The following ADAM12 variants were observed in gnomAD, a reference collection of about 807,000 sequenced individuals.
The protein encoded by ADAM12 is ADAM metallopeptidase domain 12.
A neutral mutation model predicts 106.4 loss-of-function variants in ADAM12; 70 were observed. The ratio of observed to expected loss-of-function variants is 0.66; its 90% CI spans 0.54 to 0.80. The LOEUF (loss-of-function observed/expected upper bound fraction) is 0.80, where lower values mean the gene tolerates loss of function less well. Ranked by LOEUF, ADAM12 falls within the 30% of genes least tolerant of loss-of-function variation. The pLI is 0.00. For synonymous variants in ADAM12, 420 were observed against 433.5 expected, an observed-to-expected ratio of 0.97 and a Z score of 0.39; for missense variants, 1,010 against 1,171.9, an observed-to-expected ratio of 0.86 and a Z score of 2.02.
At chr10:126,235,171 C>A (rs1274214370) in intron 3 of ADAM12, among the ~76,000 whole-genome samples, 1 of 152,220 alleles carries the variant, frequency 6.6e-6, no homozygotes, top group Non-Finnish European at 1.5e-5. Flanking sequence ...GAAGCCCAGG[C>A]ACCTGCTGCT....
intron 1 of ADAM12, among the ~76,000 whole-genome samples, chr10:126,387,651 TG>T (rs1856714054): frequency 6.6e-6 from 1 of 151,792 alleles, no homozygotes; most frequent in African/African-American, 2.4e-5. Context: ...GGAAACCTGG[TG>T]AAGGGCTGGC....
At chr10:126,289,045 T>A (rs189991992) in intron 2 of ADAM12, among the ~76,000 whole-genome samples, 273 of 133,530 alleles carry the variant, frequency 2.0e-3, no homozygotes, top group African/African-American at 7.1e-3. Context: ...GGTGACATGA[T>A]GGCCAGAGAA....
chr10:126,171,139 CAA>C (rs760504594), intron 3 of ADAM12, among the ~76,000 whole-genome samples: 2 of 152,164 alleles, frequency 1.3e-5, no homozygotes, highest in South Asian at 2.1e-4. Context: ...TCCTAGGTTA[CAA>C]AAGAGTTTGG....
intron 1 of ADAM12, among the ~76,000 whole-genome samples, chr10:126,378,134 T>A (rs892484886): frequency 3.3e-5 from 5 of 152,074 alleles, no homozygotes; most frequent in African/African-American, 1.2e-4. Flanking sequence ...TTGGCAACAT[T>A]TAAAAAGCCT....
In ADAM12 at chr10:126,169,269, C is replaced by T. The variant is rs557721780; in HGVS notation, c.261-13964G>A. The stretch of plus-strand genomic sequence containing the variant: ...AAATGACAGTATCTGCAGCAATCTT[C>T]CCTGCCTGCCCCTTCCTAAATGCGG... On this transcript the variant is annotated intron_variant, in intron 3 of 22. Coordinates refer to ENST00000448723, the MANE Select transcript of ADAM12 (RefSeq NM_001288973.2). 4.6e-5 allele frequency among the ~76,000 whole-genome samples: 7 copies of T among 152,328 alleles called. No homozygotes were observed. In the South Asian group the frequency reaches 1.5e-3, roughly 32 times the overall value.
At chr10:126,307,113 TTC>T (rs1357133900) in intron 2 of ADAM12, among the ~76,000 whole-genome samples, 4 of 152,192 alleles carry the variant, frequency 2.6e-5, no homozygotes, top group African/African-American at 9.7e-5. Context: ...TCCCAACAAC[TTC>T]TGTTTCCATT....
chr10:126,303,667 A>G (rs1284448788), intron 2 of ADAM12, among the ~76,000 whole-genome samples: 1 of 152,212 alleles, frequency 6.6e-6, no homozygotes, highest in Non-Finnish European at 1.5e-5. Context: ...GAAATAAGCA[A>G]TATGTTTGAA....
At chr10:126,097,451 C>T (rs971682799) in intron 10 of ADAM12, among the ~76,000 whole-genome samples, 4 of 152,108 alleles carry the variant, frequency 2.6e-5, no homozygotes, top group African/African-American at 4.8e-5. Context: ...ATGTTGGTTC[C>T]GTATATTCAT....
intron 3 of ADAM12, among the ~76,000 whole-genome samples, chr10:126,264,129 T>C (rs1235618558): frequency 2.0e-5 from 3 of 152,246 alleles, no homozygotes; most frequent in African/African-American, 7.2e-5. Flanking sequence ...GTGAAAATAT[T>C]AATGAATAAT....
chr10:126,223,397 T>C (rs1236345977), intron 3 of ADAM12, among the ~76,000 whole-genome samples: 1 of 152,226 alleles, frequency 6.6e-6, no homozygotes. Flanking sequence ...ATGGGAGCCA[T>C]TTCTCCAAGG....
At chr10:126,237,363 GA>G (rs200877966) in intron 3 of ADAM12, among the ~76,000 whole-genome samples, 349 of 152,022 alleles carry the variant, frequency 2.3e-3, no homozygotes, top group African/African-American at 7.9e-3. Flanking sequence ...ATTATTCTCA[GA>G]AAAATAGAGG....
intron 14 of ADAM12, among the ~76,000 whole-genome samples, chr10:126,055,943 G>A (rs899865872): frequency 1.3e-5 from 2 of 152,138 alleles, no homozygotes; most frequent in Non-Finnish European, 2.9e-5. Context: ...GCAGATATTT[G>A]TATGCTTTTT....
rs1206758790 is a variant in ADAM12, at chr10:126,376,550, T to G, written c.88+11508A>C. Among the ~76,000 whole-genome samples the G allele has an allele frequency of 1.3e-5, 2 of 152,246 alleles. 1 individual carries two copies. Among genetic ancestry groups the G allele is most frequent in the Non-Finnish European group, 2.9e-5 (2 of 68,040 alleles). On this transcript the variant is annotated intron_variant, in intron 1 of 22. Coordinates refer to ENST00000448723, the MANE Select transcript of ADAM12 (RefSeq NM_001288973.2). ...CAATAAATCTATTAGGTACTTAGGA[T>G]ATCTAGAAATATATCTTACAAAGAT...
chr10:126,251,682 AG>A (rs1958763753), intron 3 of ADAM12, among the ~76,000 whole-genome samples: 1 of 147,898 alleles, frequency 6.8e-6, no homozygotes. Context: ...GATGGGATGG[AG>A]AGGATGGATG....
chr10:126,082,455 G>A lies in ADAM12; in HGVS notation c.1146-10801C>T, dbSNP rs1032578596. ...GCGATCTCGGCTCACCGTAACTTCC[G>A]CCTCCCGGGTTCAAGCGATTCTCCT... On this transcript the variant is annotated intron_variant, in intron 11 of 22. Transcript: ENST00000448723. Among the ~76,000 whole-genome samples the A allele has an allele frequency of 5.6e-4, 76 of 134,542 alleles. 1 individual carries two copies. In the Admixed American group the frequency reaches 5.9e-3, roughly 10 times the overall value. The allele number at this position is 134,542 out of a possible 152,430, so 88.3% of individuals were successfully genotyped here.
intron 3 of ADAM12, among the ~76,000 whole-genome samples, chr10:126,205,002 T>A (rs570520955): frequency 6.6e-6 from 1 of 152,288 alleles, no homozygotes; most frequent in East Asian, 1.9e-4. Context: ...GCTAGGCACC[T>A]GACGGAAGCC....
At chr10:126,124,288 T>G (rs1956162566) in intron 5 of ADAM12, among the ~76,000 whole-genome samples, 1 of 151,486 alleles carries the variant, frequency 6.6e-6, no homozygotes, top group Non-Finnish European at 1.5e-5. Context: ...AAATTTAATT[T>G]CGGCTTTTTT....
At chr10:126,145,249 C>T (rs898349655) in intron 4 of ADAM12, among the ~76,000 whole-genome samples, 2 of 152,040 alleles carry the variant, frequency 1.3e-5, no homozygotes, top group African/African-American at 4.8e-5. Context: ...TTAGTGAATC[C>T]CCAGAGGCCT....
chr10:126,041,402 T>TA (rs1666841058), intron 18 of ADAM12: 1 of 985,648 alleles, frequency 1.0e-6, no homozygotes, highest in South Asian at 4.7e-5. Flanking sequence ...GTTAGGCTCT[T>TA]ACATTGTTTT....
Sources: gnomAD v4.1 joint callset for allele counts (sites outside exome capture counted in the v4.1 genomes callset) on GRCh38, gnomAD v4.1.1 for gene constraint, MANE v1.5 for transcripts, NCBI Gene and HGNC (gene_info 2026-07-23, HGNC 2026-07-21) for gene names.